ARHGAP10: variants seen among roughly 807,000 people sequenced by gnomAD.
The protein encoded by ARHGAP10 is Rho GTPase activating protein 10, also known as rho GTPase-activating protein 10.
A neutral mutation model predicts 108.6 loss-of-function variants in ARHGAP10; 87 were observed. The ratio of observed to expected loss-of-function variants is 0.80; its 90% CI spans 0.67 to 0.96. ARHGAP10 has a LOEUF of 0.96. Among genes scored for constraint, ARHGAP10 ranks in the 40% least tolerant of loss-of-function variants. The probability of loss-of-function intolerance (pLI) is 0.00; values close to 1 mark genes in which losing one functional copy is unlikely to be tolerated. For missense variants in ARHGAP10, 939 were observed against 954.5 expected (o/e 0.98, Z 0.21); for synonymous variants, 347 against 341.1 (o/e 1.02, Z -0.19).
At chr4:147,871,368 G>GC (rs1244274522) in intron 7 of ARHGAP10, among the ~76,000 whole-genome samples, 2 of 152,034 alleles carry the variant, frequency 1.3e-5, no homozygotes, top group African/African-American at 4.8e-5. Flanking sequence ...TTTTGTTTTT[G>GC]CCCCCCAAGT....
intron 13 of ARHGAP10, among the ~76,000 whole-genome samples, chr4:147,920,463 T>G (rs13434578): frequency 0.14 from 20,555 of 151,284 alleles, 3,096 homozygotes; most frequent in African/African-American, 0.36. Context: ...AAACAAATCA[T>G]CAAAGTCCCA....
At chr4:148,070,790 A>T (rs753509690) in intron 22 of ARHGAP10, among the ~76,000 whole-genome samples, 1 of 152,076 alleles carries the variant, frequency 6.6e-6, no homozygotes, top group African/African-American at 2.4e-5. Context: ...GGAGTAGCTC[A>T]TGCCTCCCCT....
intron 3 of ARHGAP10, among the ~76,000 whole-genome samples, chr4:147,843,273 TA>T (rs1469128933): frequency 6.6e-6 from 1 of 152,196 alleles, no homozygotes; most frequent in Non-Finnish European, 1.5e-5. Context: ...TCTCATCTCT[TA>T]AATACCAGCT....
intron 13 of ARHGAP10, among the ~76,000 whole-genome samples, chr4:147,918,133 A>ATTTTTT (rs760617123): frequency 0.052 from 6,796 of 129,612 alleles, 577 homozygotes; most frequent in African/African-American, 0.14. Flanking sequence ...TCTCATTAAG[A>ATTTTTT]TTTTTTTTTT....
intron 11 of ARHGAP10, 34 bp downstream of exon 11, chr4:147,906,753 A>T (rs1489775519): frequency 4.3e-6 from 7 of 1,609,744 alleles, no homozygotes; most frequent in Non-Finnish European, 6.0e-6. Context: ...TTTATTTCAA[A>T]GCCTTTAGAG....
intron 18 of ARHGAP10, among the ~76,000 whole-genome samples, chr4:147,990,146 G>T (rs1740213907): frequency 6.6e-6 from 1 of 152,196 alleles, no homozygotes; most frequent in Non-Finnish European, 1.5e-5. Context: ...CTTCAGGTCA[G>T]GTCTTCATGG....
At chr4:147,752,343 T>A (rs1223170636) in intron 1 of ARHGAP10, among the ~76,000 whole-genome samples, 1 of 152,224 alleles carries the variant, frequency 6.6e-6, no homozygotes, top group Non-Finnish European at 1.5e-5. Context: ...AGAAACTTCC[T>A]TTAAGCTATT....
intron 10 of ARHGAP10, among the ~76,000 whole-genome samples, chr4:147,900,819 T>TCAA (rs36114707): frequency 0.65 from 97,246 of 150,428 alleles, 36,702 homozygotes; most frequent in Non-Finnish European, 0.83. Context: ...ATAAATAAAT[T>TCAA]CAACAACAAC....
At chr4:147,943,321 G>A (rs1401103156) in intron 14 of ARHGAP10, among the ~76,000 whole-genome samples, 1 of 152,204 alleles carries the variant, frequency 6.6e-6, no homozygotes, top group Non-Finnish European at 1.5e-5. Flanking sequence ...CAAGAAATGA[G>A]AAGAGTTTTA....
At chr4:147,773,808 G>T (rs1394475237) in intron 1 of ARHGAP10, among the ~76,000 whole-genome samples, 1 of 152,192 alleles carries the variant, frequency 6.6e-6, no homozygotes, top group Non-Finnish European at 1.5e-5. Context: ...AACCTGGACT[G>T]CTCTGAAACA....
rs190498745 is a variant in ARHGAP10 at position 147,802,305 on chromosome 4, G to A, written c.155-20422G>A. On this transcript the variant is annotated intron_variant, in intron 1 of 22. Coordinates refer to ENST00000336498, the MANE Select transcript of ARHGAP10 (RefSeq NM_024605.4). ...AAACTCCAACATAGGTGATCCATAG[G>A]CTAAAATGAGATGTTCAGAAGTTAG... Among the ~76,000 whole-genome samples, 8 of 152,284 alleles carry A rather than the reference G, an allele frequency of 5.3e-5. No homozygotes were observed. In the East Asian group the frequency reaches 1.5e-3, roughly 29 times the overall value.
intron 4 of ARHGAP10, among the ~76,000 whole-genome samples, chr4:147,847,763 G>A (rs1036266984): frequency 4.6e-5 from 7 of 152,196 alleles, no homozygotes; most frequent in African/African-American, 1.7e-4. Flanking sequence ...GGATTCAAAG[G>A]TGAGTGAACC....
chr4:148,027,187 A>G (rs766878882), intron 19 of ARHGAP10, among the ~76,000 whole-genome samples: 3 of 152,252 alleles, frequency 2.0e-5, no homozygotes, highest in Non-Finnish European at 4.4e-5. Flanking sequence ...AAACAAAACT[A>G]GACATTTACA....
At chr4:148,050,333 G>T (rs892793304) in intron 20 of ARHGAP10, among the ~76,000 whole-genome samples, 2 of 147,278 alleles carry the variant, frequency 1.4e-5, no homozygotes, top group Non-Finnish European at 3.0e-5. Flanking sequence ...TGTCTCTTAG[G>T]CTACTACATT....
At chr4:147,898,271 T>G (rs893778249) in intron 10 of ARHGAP10, among the ~76,000 whole-genome samples, 2 of 152,138 alleles carry the variant, frequency 1.3e-5, no homozygotes, top group Non-Finnish European at 2.9e-5. Context: ...TGCCTTCATT[T>G]TTGATGGATA....
At chr4:147,984,570 A>AG (rs1739956463) in intron 18 of ARHGAP10, among the ~76,000 whole-genome samples, 1 of 152,116 alleles carries the variant, frequency 6.6e-6, no homozygotes, top group South Asian at 2.1e-4. Flanking sequence ...TTCACTGGCA[A>AG]GGTGTCTGTT....
intron 13 of ARHGAP10, among the ~76,000 whole-genome samples, chr4:147,936,070 A>G (rs1737920342): frequency 6.6e-6 from 1 of 152,082 alleles, no homozygotes; most frequent in African/African-American, 2.4e-5. Context: ...GCAGAGTATG[A>G]TTTGCTCTTT....
At chr4:147,912,645 C>CTTTTTT (rs70958594) in intron 12 of ARHGAP10, among the ~76,000 whole-genome samples, 1 of 35,302 alleles carries the variant, frequency 2.8e-5, no homozygotes, top group Non-Finnish European at 4.5e-5. Context: ...TAGCCTTAAG[C>CTTTTTT]TTTTTTTTTT....
chr4:148,052,064 T>C (rs1729161489), intron 20 of ARHGAP10, among the ~76,000 whole-genome samples: 1 of 152,194 alleles, frequency 6.6e-6, no homozygotes, highest in African/African-American at 2.4e-5. Flanking sequence ...TGTGGCTTAG[T>C]ACACCACAGT....
Sources: gnomAD v4.1 joint callset for allele counts (sites outside exome capture counted in the v4.1 genomes callset) on GRCh38, gnomAD v4.1.1 for gene constraint, MANE v1.5 for transcripts, NCBI Gene and HGNC (gene_info 2026-07-23, HGNC 2026-07-21) for gene names.